The following TSFM variants were observed in gnomAD, a reference collection of about 807,000 sequenced individuals.
TSFM encodes the protein Ts translation elongation factor, mitochondrial, also known as elongation factor Ts, mitochondrial.
TSFM carries 29 observed loss-of-function variants against 33.4 expected under a neutral mutation model. The ratio of observed to expected loss-of-function variants is 0.87; its 90% CI spans 0.65 to 1.18. TSFM has a LOEUF of 1.18. TSFM is among the 50% of genes most tolerant of loss of function. TSFM has a pLI of 0.00. For missense variants in TSFM, 394 were observed against 395.6 expected, an observed-to-expected ratio of 1.00 and a Z score of 0.04; for synonymous variants, 178 against 163.5, an observed-to-expected ratio of 1.09 and a Z score of -0.68.
At chr12:57,782,989 A>G (rs772639452) in intron 1 of TSFM, 121 bp from the exon 2 acceptor site, 1 of 1,473,618 alleles carries the variant, frequency 6.8e-7, no homozygotes, top group Non-Finnish European at 9.1e-7. Context: ...TGCCCAGTCC[A>G]GCCCCGGTGC....
rs762784513 is a variant in TSFM at position 57,796,360 on chromosome 12, T to C, written c.755T>C (p.Val252Ala). The change falls in exon 6 of 6, where the codon GTT becomes GCT. Residue 252 changes from valine to alanine, a missense_variant. Physicochemically the swap from Val to Ala is moderately conservative, Grantham distance 64. Transcript: ENST00000652027. ...TSEQKTNLEDVGRRLGQHVVG... is the reference protein window; with the variant it reads ...TSEQKTNLEDAGRRLGQHVVG... ...GAACAGAAAACAAACCTTGAAGACGTTGGCCGCCGCCTTGGGCAGCATGTG... is the reference window on the plus strand; with the variant it reads ...GAACAGAAAACAAACCTTGAAGACGCTGGCCGCCGCCTTGGGCAGCATGTG... 10 of 1,604,484 alleles carry C rather than the reference T, an allele frequency of 6.2e-6. No individual in the cohort carries two copies. Among genetic ancestry groups the C allele is most frequent in the East Asian group, 4.5e-5 (2 of 44,636 alleles).
At chr12:57,799,557 A>G (rs1205647946), downstream of TSFM, among the ~76,000 whole-genome samples, 1 of 152,264 alleles carries the variant, frequency 6.6e-6, no homozygotes, top group Non-Finnish European at 1.5e-5. Flanking sequence ...TAGCTGGACT[A>G]GACTAGTAGC....
intron 2 of TSFM, 66 bp from the exon 3 acceptor site, chr12:57,786,097 T>A: frequency 6.7e-7 from 1 of 1,495,370 alleles, no homozygotes; most frequent in Non-Finnish European, 8.9e-7. Flanking sequence ...TGAGTATATC[T>A]TAGAACTACA....
At chr12:57,792,962 T>G in intron 4 of TSFM, 24 bp from the exon 5 acceptor site, 1 of 1,604,770 alleles carries the variant, frequency 6.2e-7, no homozygotes, top group South Asian at 1.1e-5. Flanking sequence ...AATCAGTTCA[T>G]GTTTGTTTTC....
intron 4 of TSFM, among the ~76,000 whole-genome samples, chr12:57,790,303 C>T (rs559453905): frequency 2.0e-5 from 3 of 151,826 alleles, no homozygotes; most frequent in African/African-American, 4.8e-5. Flanking sequence ...CTCCTGACCT[C>T]GTGATCCACC....
At chr12:57,795,507 TTA>T (rs1955722120) in intron 5 of TSFM, among the ~76,000 whole-genome samples, 1 of 152,174 alleles carries the variant, frequency 6.6e-6, no homozygotes, top group Non-Finnish European at 1.5e-5. Flanking sequence ...GTAAATGAGA[TTA>T]TGTCATTGAG....
intron 4 of TSFM, among the ~76,000 whole-genome samples, chr12:57,789,769 C>A (rs927347476): frequency 3.3e-5 from 5 of 152,164 alleles, no homozygotes; most frequent in African/African-American, 1.2e-4. Flanking sequence ...CTCGTGGGTT[C>A]TTATTTTATA....
chr12:57,801,159 G>T (rs1196930545), downstream of TSFM: 2 of 1,613,696 alleles, frequency 1.2e-6, no homozygotes, highest in South Asian at 2.2e-5. Flanking sequence ...TGATTCGCAT[G>T]ATAGCAGCAG....
intron 4 of TSFM, 131 bp from the exon 5 acceptor site, chr12:57,792,855 G>A: frequency 1.3e-6 from 1 of 790,964 alleles, no homozygotes; most frequent in South Asian, 1.7e-5. Context: ...GCTTCCCAAA[G>A]TGTTGGGATT....
downstream of TSFM, chr12:57,801,011 C>G: frequency 1.5e-6 from 1 of 650,888 alleles, no homozygotes; most frequent in Non-Finnish European, 2.5e-6. Flanking sequence ...TACAAAAAGT[C>G]TTTACATCAA....
chr12:57,791,540 A>T (rs1354201043), intron 4 of TSFM, among the ~76,000 whole-genome samples: 1 of 152,216 alleles, frequency 6.6e-6, no homozygotes, highest in South Asian at 2.1e-4. Flanking sequence ...TTTGTTGCAC[A>T]GATAGTAGTA....
At chr12:57,788,879 T>G (rs1955625052) in intron 4 of TSFM, among the ~76,000 whole-genome samples, 1 of 151,914 alleles carries the variant, frequency 6.6e-6, no homozygotes, top group Non-Finnish European at 1.5e-5. Flanking sequence ...GAAATCCACC[T>G]GCTTTGGCCT....
chr12:57,802,171 T>A (rs1955861873), downstream of TSFM: 12 of 1,613,878 alleles, frequency 7.4e-6, no homozygotes, highest in Non-Finnish European at 1.0e-5. Flanking sequence ...CTCCAAATGT[T>A]AGGGTCCCAG....
downstream of TSFM, among the ~76,000 whole-genome samples, chr12:57,798,709 C>T (rs779388796): frequency 2.6e-5 from 4 of 151,666 alleles, no homozygotes; most frequent in Admixed American, 6.6e-5. Flanking sequence ...CTCTGCCTCC[C>T]GGGTTCAAGC....
At chr12:57,787,325 G>A (rs926621609) in intron 4 of TSFM, among the ~76,000 whole-genome samples, 163 bp downstream of exon 4, 5 of 152,026 alleles carry the variant, frequency 3.3e-5, no homozygotes, top group African/African-American at 1.2e-4. Context: ...CTATATCCCC[G>A]TGTCATGCTG....
intron 4 of TSFM, among the ~76,000 whole-genome samples, chr12:57,791,504 A>G (rs1955662261): frequency 6.6e-6 from 1 of 152,206 alleles, no homozygotes; most frequent in Non-Finnish European, 1.5e-5. Flanking sequence ...TTTTTGCAAA[A>G]ATAAGCATAT....
intron 3 of TSFM, 144 bp from the exon 4 acceptor site, chr12:57,786,896 G>C (rs1349173310): frequency 2.4e-6 from 2 of 829,932 alleles, no homozygotes; most frequent in East Asian, 5.4e-5. Context: ...GAGAGGAAGC[G>C]TAGCTTTAAA....
At position 57,796,751 on chromosome 12, in the gene TSFM, C is replaced by T. The variant is rs1409346414; in HGVS notation, c.*168C>T. The T allele has an allele frequency of 1.6e-6, 2 of 1,226,460 alleles. No individual in the cohort carries two copies. Among genetic ancestry groups the T allele is most frequent in the African/African-American group, 3.1e-5 (2 of 64,230 alleles). The allele number at this position is 1,226,460 out of a possible 1,614,324, so 76.0% of individuals were successfully genotyped here. ...CTTGTTTGCGTAATACTGGATTTAG[C>T]TTTTCTGTGCCTTTCAAAAACAACA... On this transcript the variant is annotated 3_prime_UTR_variant, in exon 6 of 6. Transcript: ENST00000652027.
chr12:57,802,159 C>G, downstream of TSFM: 2 of 1,613,790 alleles, frequency 1.2e-6, no homozygotes, highest in South Asian at 1.1e-5. Flanking sequence ...TCTTTTCTTA[C>G]ACTCCAAATG....
Sources: gnomAD v4.1 joint callset for allele counts (sites outside exome capture counted in the v4.1 genomes callset) on GRCh38, gnomAD v4.1.1 for gene constraint, MANE v1.5 for transcripts, NCBI Gene and HGNC (gene_info 2026-07-23, HGNC 2026-07-21) for gene names.